Variants in DNHD1 observed in about 807,000 individuals in gnomAD.
DNHD1 encodes the protein dynein heavy chain domain 1, also known as dynein heavy chain domain-containing protein 1.
A neutral mutation model predicts 458.1 loss-of-function variants in DNHD1; 383 were observed. That is an observed-to-expected ratio of 0.84 (90% confidence interval 0.77 to 0.91). The LOEUF (loss-of-function observed/expected upper bound fraction) is 0.91, where lower values mean the gene tolerates loss of function less well. Ranked by LOEUF, DNHD1 falls within the 40% of genes least tolerant of loss-of-function variation. The probability of loss-of-function intolerance (pLI) is 0.00; values close to 1 mark genes in which losing one functional copy is unlikely to be tolerated. For missense variants in DNHD1, 5,336 were observed against 5,866.1 expected (o/e 0.91, Z 2.95); for synonymous variants, 2,203 against 2,376.9 (o/e 0.93, Z 2.13).
intron 18 of DNHD1, among the ~76,000 whole-genome samples, chr11:6,543,429 G>C (rs1853139684): frequency 6.6e-6 from 1 of 152,176 alleles, no homozygotes; most frequent in East Asian, 1.9e-4. Context: ...GGGCATTCTT[G>C]CTATAGAAAT....
chr11:6,544,702 AGAAGGGTTCCT>A (rs1853168601), intron 20 of DNHD1, 31 bp downstream of exon 20: 1 of 1,547,580 alleles, frequency 6.5e-7, no homozygotes, highest in Non-Finnish European at 8.7e-7. Context: ...AGAGAGGGCA[AGAAGGGTTCCT>A]GAATAGCAGG....
At chr11:6,537,795 G>A (rs1307039003) in intron 14 of DNHD1, among the ~76,000 whole-genome samples, 1 of 152,154 alleles carries the variant, frequency 6.6e-6, no homozygotes, top group Non-Finnish European at 1.5e-5. Context: ...GCCTGACATG[G>A]TGGTGTGCGC....
At chr11:6,502,717 A>G (rs779615668) in intron 3 of DNHD1, 36 bp from the exon 4 acceptor site, 21 of 1,539,818 alleles carry the variant, frequency 1.4e-5, no homozygotes, top group Non-Finnish European at 1.7e-5. Context: ...TGACCTTTTT[A>G]CTCTGCCTTT....
At position 6,570,946 on chromosome 11, in the gene DNHD1, G is replaced by A; in HGVS notation, c.13434G>A (p.Arg4478=). ...GGTCAGTGCTGGGGCCAAATGCACGGCGGCCTCTGGAGGGCGTCTTAGAGA... is the reference window on the plus strand; with the variant it reads ...GGTCAGTGCTGGGGCCAAATGCACGACGGCCTCTGGAGGGCGTCTTAGAGA... ...APWSVLGPNA[R]RPLEGVLETE... is the part of the protein sequence containing the mutation. Residue 4478 remains arginine (R), a synonymous_variant, in exon 42 of 43, where the codon CGG becomes CGA. Coordinates refer to ENST00000254579, the MANE Select transcript of DNHD1 (RefSeq NM_144666.3). The A allele has an allele frequency of 1.2e-6, 2 of 1,608,462 alleles. No individual in the cohort carries two copies. Among genetic ancestry groups the A allele is most frequent in the South Asian group, 1.1e-5 (1 of 90,992 alleles).
Position 6,558,551 on chromosome 11 carries a change from G to A in DNHD1, c.9069G>A (p.Lys3023=). ...TGATTGGAGATAAACAGGCCCACAAGCAGCTGCCCTCCACCCTTTTCCTGA... is the reference window on the plus strand; with the variant it reads ...TGATTGGAGATAAACAGGCCCACAAACAGCTGCCCTCCACCCTTTTCCTGA... ...FFLIGDKQAH[K]QLPSTLFLRL... Residue 3023 remains lysine, a synonymous_variant, in exon 26 of 43, where the codon AAG becomes AAA. Transcript: ENST00000254579. 9.0e-6 allele frequency: 14 copies of A among 1,551,746 alleles called. No homozygotes were observed. Among genetic ancestry groups the A allele is most frequent in the Non-Finnish European group, 1.2e-5 (14 of 1,146,992 alleles).
In DNHD1 at chr11:6,503,186, T is replaced by TAA. The variant is rs1852171663; in HGVS notation, c.920+261_920+262insAA. ...TTCTCACATTTTGCTCTTTCTTTTT[T>TAA]ATTCTATCCTAGAATGATAGAAACA... On this transcript the variant is annotated intron_variant, in intron 4 of 42. Transcript: ENST00000254579. 3.7e-5 allele frequency: 16 copies of TAA among 431,956 alleles called. No homozygotes were observed. The South Asian group carries it at 6.5e-4, about 18-fold the overall frequency. 26.8% of individuals were successfully genotyped at this position (431,956 alleles called of 1,614,324 possible).
At chr11:6,568,356 G>C in intron 37 of DNHD1, 98 bp from the exon 38 acceptor site, 2 of 1,575,820 alleles carry the variant, frequency 1.3e-6, no homozygotes, top group East Asian at 2.3e-5. Flanking sequence ...ACTTGGCCTT[G>C]TATCTGACTC....
chr11:6,544,085 C>T (rs906198258), intron 18 of DNHD1, 36 bp from the exon 19 acceptor site: 2 of 1,549,904 alleles, frequency 1.3e-6, no homozygotes, highest in African/African-American at 1.4e-5. Context: ...CGGCCCTTGC[C>T]TCATCTGACT....
Position 6,548,206 on chromosome 11 carries a change from G to T in DNHD1, c.6906-4G>T, listed in dbSNP as rs1335359355. ...CGCTTTTGCCTGTGTGTCCATCTGA[G>T]CAGGTTCTGGCCCATCTTTGATACC... is the stretch of plus-strand genomic sequence containing the variant. On this transcript the variant is annotated splice_region_variant and splice_polypyrimidine_tract_variant and intron_variant, in intron 22 of 42. Transcript: ENST00000254579. The surrounding 1 kb of genome is among the most constrained non-coding windows in gnomAD (Gnocchi z 4.4). 1 of 1,551,284 alleles carries T rather than the reference G, an allele frequency of 6.4e-7. No individual in the cohort carries two copies. The highest frequency in any genetic ancestry group is 8.7e-7 in the Non-Finnish European group (1 of 1,146,760).
In DNHD1 at chr11:6,539,090, T is replaced by C. The variant is rs533512024; in HGVS notation, c.3326-129T>C. 1.3e-4 allele frequency: 93 copies of C among 703,530 alleles called. 2 individuals carry two copies. In the South Asian group the frequency reaches 1.6e-3, roughly 12 times the overall value. 43.6% of individuals were successfully genotyped at this position (703,530 alleles called of 1,614,324 possible). ...CTTGAGTTCTAAGCTGTTGGCTCTG[T>C]GTTGTGCTCTGAGATCTGCTATCTG... is the stretch of plus-strand genomic sequence containing the variant. On this transcript the variant is annotated intron_variant, in intron 16 of 42. Coordinates refer to ENST00000254579, the MANE Select transcript of DNHD1 (RefSeq NM_144666.3).
Position 6,567,644 on chromosome 11 carries a change from C to A in DNHD1, c.12135C>A (p.Arg4045=), listed in dbSNP as rs536552992. 1.9e-6 allele frequency: 3 copies of A among 1,613,960 alleles called. No individual in the cohort carries two copies. Among genetic ancestry groups the A allele is most frequent in the Non-Finnish European group, 2.5e-6 (3 of 1,179,904 alleles). ...TCCTCCAGAAGCTGATCCTGTGGCG[C>A]GTTCTGCGACCTGAGTGCCTGGCAG... ...LSLLQKLILW[R]VLRPECLAGA... Residue 4045 remains arginine, a synonymous_variant, in exon 36 of 43, where the codon CGC becomes CGA. Transcript: ENST00000254579.
chr11:6,509,574 A>G (rs1852297199), intron 6 of DNHD1, among the ~76,000 whole-genome samples: 1 of 152,126 alleles, frequency 6.6e-6, no homozygotes, highest in South Asian at 2.1e-4. Context: ...AATATATGCA[A>G]TATTCTCCAG....
Position 6,571,774 on chromosome 11 carries a change from G to A in DNHD1, c.14050G>A (p.Val4684Ile), listed in dbSNP as rs780821821. 4.3e-6 allele frequency: 7 copies of A among 1,613,754 alleles called. No homozygotes were observed. The highest frequency in any genetic ancestry group is 4.0e-5 in the African/African-American group (3 of 74,900). Residue 4684 changes from valine (V) to isoleucine (I), a missense_variant, in exon 43 of 43, where the codon GTC (valine) becomes ATC (isoleucine). Transcript: ENST00000254579. The surrounding 1 kb of genome is among the most constrained non-coding windows in gnomAD (Gnocchi z 5.0). ...CAGCCAACCCAGCCCTCTGCCTCCC[G>A]TCAGCATCAGCACACAGGCCCCGGG... ...PSSQPSPLPP[V>I]SISTQAPGTS... is the part of the protein sequence containing the mutation.
chr11:6,537,227 G>A (rs1852971276), intron 14 of DNHD1, among the ~76,000 whole-genome samples: 1 of 152,158 alleles, frequency 6.6e-6, no homozygotes, highest in Non-Finnish European at 1.5e-5. Flanking sequence ...AACTAATGTA[G>A]TACCCTGTGA....
At chr11:6,512,410 G>A (rs12797998) in intron 7 of DNHD1, among the ~76,000 whole-genome samples, 13 of 151,474 alleles carry the variant, frequency 8.6e-5, no homozygotes, top group African/African-American at 2.7e-4. Flanking sequence ...TTTTAGTAGA[G>A]ATGGGGTTTC....
intron 6 of DNHD1, among the ~76,000 whole-genome samples, chr11:6,510,673 G>C (rs896965037): frequency 1.3e-5 from 2 of 152,138 alleles, no homozygotes; most frequent in Non-Finnish European, 2.9e-5. Context: ...AGAATTAAAC[G>C]ACACTGTGAA....
In DNHD1 at chr11:6,545,368, C is replaced by G. The variant is rs757374487; in HGVS notation, c.4429C>G (p.Leu1477Val). ...TGCTCGCCTTGCTCGAGGCCCATCT[C>G]TAGGTGAGGCCCTCAAGCAACTGCC... ...VAARLARGPS[L>V]GEALKQLPKQ... is the part of the protein sequence containing the mutation. Residue 1477 changes from leucine to valine, a missense_variant, in exon 21 of 43, where the codon CTA becomes GTA. Physicochemically the swap from Leu to Val is conservative, Grantham distance 32 (BLOSUM62 1). This residue lies in a region of DNHD1 where 3,932 missense variants were observed against 4,365.6 expected (regional missense o/e 0.90). Coordinates refer to ENST00000254579, the MANE Select transcript of DNHD1 (RefSeq NM_144666.3). The surrounding 1 kb of genome is among the most constrained non-coding windows in gnomAD (Gnocchi z 4.9). 134 of 1,551,758 alleles carry G rather than the reference C, an allele frequency of 8.6e-5. 1 individual carries two copies. In the South Asian group the frequency reaches 9.3e-4, roughly 11 times the overall value.
At chr11:6,553,004 T>C (rs1054003077) in intron 24 of DNHD1, among the ~76,000 whole-genome samples, 4 of 152,230 alleles carry the variant, frequency 2.6e-5, no homozygotes, top group East Asian at 1.9e-4. Context: ...GTACAACTTA[T>C]ATATACTTTT....
chr11:6,499,904 T>C (rs1435398825), intron 3 of DNHD1, among the ~76,000 whole-genome samples: 1 of 151,616 alleles, frequency 6.6e-6, no homozygotes, highest in African/African-American at 2.4e-5. Context: ...CTATCAGAGC[T>C]CTCTACAGGA....
Sources: gnomAD v4.1 joint callset for allele counts (sites outside exome capture counted in the v4.1 genomes callset) on GRCh38, gnomAD v4.1.1 for gene constraint, gnomAD v4.1.1 regional missense constraint, Gnocchi (gnomAD v3.1) non-coding constraint, MANE v1.5 for transcripts, NCBI Gene and HGNC (gene_info 2026-07-23, HGNC 2026-07-21) for gene names.